Variants in ARID4B observed in about 807,000 individuals in gnomAD.
ARID4B encodes AT-rich interaction domain 4B.
Under a neutral mutation model 147.5 loss-of-function variants are expected in ARID4B, and 26 were observed. The observed-to-expected ratio is 0.18, with a 90% CI of 0.13 to 0.24. ARID4B has a LOEUF of 0.24. ARID4B is among the 10% of genes least tolerant of loss of function. The pLI, the probability that ARID4B is intolerant of heterozygous loss-of-function variation, is 1.00. For synonymous variants in ARID4B, 512 were observed against 507.9 expected, an observed-to-expected ratio of 1.01 and a Z score of -0.11; for missense variants, 1,179 against 1,511.5, an observed-to-expected ratio of 0.78 and a Z score of 3.65.
Position 235,253,848 on chromosome 1 carries a change from A to G in ARID4B, c.275-1039T>C, listed in dbSNP as rs1466385741. 2.0e-5 allele frequency among the ~76,000 whole-genome samples: 3 copies of G among 152,270 alleles called. No individual in the cohort carries two copies. The East Asian group carries it at 5.8e-4, about 29-fold the overall frequency. On this transcript the variant is annotated intron_variant, in intron 5 of 23. Transcript: ENST00000264183. ...AAATTACATTTTCTGCCTACCTACTAAAATTAGATACTCTTCTTTCCTTTT... is the reference window on the plus strand; with the variant it reads ...AAATTACATTTTCTGCCTACCTACTGAAATTAGATACTCTTCTTTCCTTTT...
chr1:235,202,528 A>G (rs940904418), intron 17 of ARID4B, among the ~76,000 whole-genome samples: 1 of 149,806 alleles, frequency 6.7e-6, no homozygotes, highest in Non-Finnish European at 1.5e-5. Flanking sequence ...CCTGACCTAC[A>G]TAAAATGAAG....
At chr1:235,220,655 C>CTAATTTATTCTCAG (rs1667400599) in intron 14 of ARID4B, 110 bp from the exon 15 acceptor site, 1 of 861,600 alleles carries the variant, frequency 1.2e-6, no homozygotes, top group Non-Finnish European at 1.6e-6. Flanking sequence ...GATATTGAGC[C>CTAATTTATTCTCAG]ATATTAACAT....
chr1:235,312,474 T>A (rs914767541), intron 2 of ARID4B, among the ~76,000 whole-genome samples: 2 of 152,244 alleles, frequency 1.3e-5, no homozygotes, highest in African/African-American at 4.8e-5. Flanking sequence ...CACTGAATAC[T>A]ACTATGTAAT....
At position 235,167,509 on chromosome 1, in the gene ARID4B, A is replaced by AC. The variant is rs1663047439; in HGVS notation, c.*1015dup. The AC allele has an allele frequency of 9.0e-6, 2 of 223,022 alleles. No homozygotes were observed. The highest frequency in any genetic ancestry group is 1.1e-4 in the Admixed American group (2 of 17,418). 13.8% of individuals were successfully genotyped at this position (223,022 alleles called of 1,614,324 possible). On this transcript the variant is annotated 3_prime_UTR_variant, in exon 24 of 24. Coordinates refer to ENST00000264183, the MANE Select transcript of ARID4B (RefSeq NM_016374.6). ...AGGCATTTAATTTTATAGGCCTACC[A>AC]CCCCCATTAGCTATTTATATTTAAA... is the stretch of plus-strand genomic sequence containing the variant.
chr1:235,232,528 C>T (rs1668305140), intron 9 of ARID4B, among the ~76,000 whole-genome samples: 1 of 150,698 alleles, frequency 6.6e-6, no homozygotes, highest in South Asian at 2.1e-4. Flanking sequence ...ATCACTTGAA[C>T]TCAGGAGTTC....
At chr1:235,265,960 A>T (rs1244378989) in intron 2 of ARID4B, among the ~76,000 whole-genome samples, 1 of 152,168 alleles carries the variant, frequency 6.6e-6, no homozygotes, top group Non-Finnish European at 1.5e-5. Flanking sequence ...AAAAATGTTT[A>T]AGTCTATATA....
intron 15 of ARID4B, 41 bp from the exon 16 acceptor site, chr1:235,220,009 A>C (rs756258292): frequency 2.2e-6 from 3 of 1,338,716 alleles, no homozygotes; most frequent in Middle Eastern, 2.6e-4. Flanking sequence ...AAAAGTAAAA[A>C]TTTTCAACCT....
chr1:235,182,901 G>GAA (rs1664417710), intron 19 of ARID4B, 108 bp from the exon 20 acceptor site: 1 of 1,113,324 alleles, frequency 9.0e-7, no homozygotes, highest in East Asian at 2.6e-5. Context: ...GCCACCCGAG[G>GAA]TTGCTGGCTT....
At chr1:235,257,661 AAT>A (rs1483764302) in intron 3 of ARID4B, among the ~76,000 whole-genome samples, 1 of 151,894 alleles carries the variant, frequency 6.6e-6, no homozygotes, top group African/African-American at 2.4e-5. Context: ...TTGTATTTCT[AAT>A]AGAGATGGGG....
chr1:235,188,291 C>T (rs1664835009), intron 19 of ARID4B, among the ~76,000 whole-genome samples: 1 of 152,042 alleles, frequency 6.6e-6, no homozygotes, highest in Non-Finnish European at 1.5e-5. Flanking sequence ...ATGACGGGCA[C>T]CAAAGAAGGC....
chr1:235,323,661 A>G lies in ARID4B; in HGVS notation c.6+3253T>C, dbSNP rs950341465. Among the ~76,000 whole-genome samples the G allele has an allele frequency of 6.1e-4, 93 of 151,854 alleles. 1 individual carries two copies. Among genetic ancestry groups the G allele is most frequent in the Non-Finnish European group, 1.6e-4 (11 of 67,932 alleles). ...TAGCCCGGCATGATGGTGCATGCCT[A>G]TAATTCCAGTTACTCAGGAGGCTGA... On this transcript the variant is annotated intron_variant, in intron 2 of 23. Transcript: ENST00000264183.
intron 17 of ARID4B, among the ~76,000 whole-genome samples, chr1:235,208,862 T>C (rs78280821): frequency 0.039 from 6,011 of 152,248 alleles, 448 homozygotes; most frequent in African/African-American, 0.14. Flanking sequence ...TTTTTCTAAA[T>C]TGTTATTTTT....
intron 9 of ARID4B, among the ~76,000 whole-genome samples, chr1:235,233,724 G>A (rs1212229343): frequency 6.6e-6 from 1 of 152,178 alleles, no homozygotes; most frequent in East Asian, 1.9e-4. Context: ...GACATAACTA[G>A]TAGAAGTATT....
intron 11 of ARID4B, among the ~76,000 whole-genome samples, chr1:235,225,677 G>A (rs1026677670): frequency 1.3e-5 from 2 of 152,168 alleles, no homozygotes; most frequent in African/African-American, 2.4e-5. Context: ...AGTTACTCTG[G>A]CTTAAATATA....
chr1:235,277,887 T>A (rs1412433350), intron 2 of ARID4B, among the ~76,000 whole-genome samples: 1 of 152,154 alleles, frequency 6.6e-6, no homozygotes, highest in African/African-American at 2.4e-5. Context: ...ATTTCCTGAC[T>A]CTCCATATGC....
rs753697663 is a variant in ARID4B, at chr1:235,257,222, T to C, written c.121A>G (p.Thr41Ala). The C allele has an allele frequency of 1.9e-6, 3 of 1,611,002 alleles. No homozygotes were observed. Among genetic ancestry groups the C allele is most frequent in the Admixed American group, 3.3e-5 (2 of 59,992 alleles). ...ACTGTTGAAGAATCATGTCTAAATG[T>C]CACCTAGAGATTATAAGTTTAATTA... Reference protein sequence around the residue: ...TAKRLVKVKVTFRHDSSTVEV... With the variant: ...TAKRLVKVKVAFRHDSSTVEV... The change falls in exon 4 of 24, where the codon ACA becomes GCA. Residue 41 changes from threonine to alanine, a missense_variant. Coordinates refer to ENST00000264183, the MANE Select transcript of ARID4B (RefSeq NM_016374.6).
rs533635481 is a variant in ARID4B at position 235,204,621 on chromosome 1, A to G, written c.1842-8506T>C. The stretch of plus-strand genomic sequence containing the variant: ...AGAGGTAATATGTAATAATAAGAAC[A>G]CTAATACAGCATTTTACCAAAGCGT... On this transcript the variant is annotated intron_variant, in intron 17 of 23. Coordinates refer to ENST00000264183, the MANE Select transcript of ARID4B (RefSeq NM_016374.6). Among the ~76,000 whole-genome samples, 6 of 152,354 alleles carry G rather than the reference A, an allele frequency of 3.9e-5. 1 individual carries two copies. In the South Asian group the frequency reaches 1.2e-3, roughly 32 times the overall value.
intron 19 of ARID4B, 53 bp from the exon 20 acceptor site, chr1:235,182,846 T>C: frequency 6.6e-7 from 1 of 1,510,606 alleles, no homozygotes; most frequent in African/African-American, 1.4e-5. Context: ...ACTAGCAATG[T>C]CTTCTATGTG....
At chr1:235,285,468 C>T (rs375822907) in intron 2 of ARID4B, among the ~76,000 whole-genome samples, 4 of 152,300 alleles carry the variant, frequency 2.6e-5, no homozygotes, top group Admixed American at 1.3e-4. Flanking sequence ...CTTCCTCAAT[C>T]GGACAAAAGG....
Sources: gnomAD v4.1 joint callset for allele counts (sites outside exome capture counted in the v4.1 genomes callset) on GRCh38, gnomAD v4.1.1 for gene constraint, MANE v1.5 for transcripts, NCBI Gene and HGNC (gene_info 2026-07-23, HGNC 2026-07-21) for gene names.